The following DNAH14 variants were observed in gnomAD, a reference collection of about 807,000 sequenced individuals.
The protein encoded by DNAH14 is dynein axonemal heavy chain 14, also known as axonemal beta dynein heavy chain 14.
Under a neutral mutation model 520.9 loss-of-function variants are expected in DNAH14, and 478 were observed. The ratio of observed to expected loss-of-function variants is 0.92; its 90% confidence interval spans 0.85 to 0.99. The LOEUF is 0.99. DNAH14 is among the 50% of genes least tolerant of loss of function. DNAH14 has a pLI of 0.00. For missense variants in DNAH14, 4,831 were observed against 5,234.5 expected (o/e 0.92, Z 2.38); for synonymous variants, 1,581 against 1,757.2 (o/e 0.90, Z 2.51).
At chr1:225,276,977 GGAAGGAAGGGAGGGAGGAAGGA>G (rs1558241392) in intron 53 of DNAH14, among the ~76,000 whole-genome samples, 14 of 57,582 alleles carry the variant, frequency 2.4e-4, no homozygotes, top group South Asian at 1.9e-3. Context: ...AAGGAAGGAA[GGAAGGAAGGGAGGGAGGAAGGA>G]AGGGAGGGAG....
intron 15 of DNAH14, among the ~76,000 whole-genome samples, chr1:225,049,255 G>A (rs2068268935): frequency 6.6e-6 from 1 of 151,424 alleles, no homozygotes; most frequent in Non-Finnish European, 1.5e-5. Context: ...TAGAGACGGG[G>A]TTTCACCATC....
At chr1:225,148,720 C>T (rs1454827729) in intron 31 of DNAH14, among the ~76,000 whole-genome samples, 2 of 151,872 alleles carry the variant, frequency 1.3e-5, no homozygotes, top group Non-Finnish European at 1.5e-5. Flanking sequence ...TTTTTGTATG[C>T]TTGTTGCCTG....
At chr1:225,024,154 TTTCTC>T (rs150167440) in intron 11 of DNAH14, 42,855 of 996,342 alleles carry the variant, frequency 0.043, 1,468 homozygotes, top group East Asian at 0.24. Flanking sequence ...GAAATTCAGA[TTTCTC>T]TGATAATTTA....
At chr1:225,205,928 C>T (rs553010314) in intron 39 of DNAH14, 43 bp from the exon 40 acceptor site, 257 of 1,428,166 alleles carry the variant, frequency 1.8e-4, no homozygotes, top group Non-Finnish European at 2.3e-4. Flanking sequence ...TGAAAGATGA[C>T]GGACATTAGT....
At chr1:225,105,565 T>C (rs1187674217) in intron 23 of DNAH14, among the ~76,000 whole-genome samples, 1 of 152,236 alleles carries the variant, frequency 6.6e-6, no homozygotes, top group Non-Finnish European at 1.5e-5. Flanking sequence ...TGAATCTGGG[T>C]GCTCCTGTAT....
chr1:225,338,804 C>A (rs1448490975), intron 68 of DNAH14, among the ~76,000 whole-genome samples: 1 of 152,126 alleles, frequency 6.6e-6, no homozygotes, highest in Non-Finnish European at 1.5e-5. Flanking sequence ...TAATAAGAGC[C>A]TTCTGGGTAA....
chr1:225,282,461 A>G (rs2093647549), intron 54 of DNAH14, among the ~76,000 whole-genome samples: 1 of 152,204 alleles, frequency 6.6e-6, no homozygotes, highest in South Asian at 2.1e-4. Context: ...ATTTTATCTT[A>G]GTTTAGGTTC....
intron 9 of DNAH14, among the ~76,000 whole-genome samples, chr1:225,006,118 G>T (rs1040370025): frequency 6.6e-6 from 1 of 152,084 alleles, no homozygotes; most frequent in Non-Finnish European, 1.5e-5. Flanking sequence ...AACATAAATT[G>T]TGAAGATTTC....
intron 11 of DNAH14, among the ~76,000 whole-genome samples, chr1:225,027,815 C>G (rs2066237900): frequency 6.6e-6 from 1 of 151,868 alleles, no homozygotes; most frequent in Admixed American, 6.6e-5. Flanking sequence ...ATATCACCAT[C>G]TATCTTTCTT....
At chr1:225,373,225 C>T (rs1240475602) in intron 77 of DNAH14, among the ~76,000 whole-genome samples, 5 of 149,622 alleles carry the variant, frequency 3.3e-5, no homozygotes, top group Non-Finnish European at 5.9e-5. Context: ...GAGGGCCGGG[C>T]GCGGTGGGTA....
chr1:225,345,889 A>G, intron 69 of DNAH14, 73 bp from the exon 70 acceptor site: 1 of 1,272,924 alleles, frequency 7.9e-7, no homozygotes, highest in Non-Finnish European at 1.1e-6. Context: ...TTACACAAAG[A>G]GTGCAGAGTG....
chr1:225,002,677 A>G, intron 8 of DNAH14, 106 bp from the exon 9 acceptor site: 2 of 1,092,262 alleles, frequency 1.8e-6, no homozygotes, highest in Non-Finnish European at 1.3e-6. Flanking sequence ...GTAGATGTAA[A>G]ACATTTCAAC....
At chr1:225,305,151 G>A (rs568645061) in intron 58 of DNAH14, 62 bp downstream of exon 58, 1 of 1,476,118 alleles carries the variant, frequency 6.8e-7, no homozygotes, top group African/African-American at 1.5e-5. Flanking sequence ...TGCGAAAAGA[G>A]ACACAAATGC....
chr1:225,049,773 C>CCTATGTATCTAT (rs1553408760), intron 15 of DNAH14, among the ~76,000 whole-genome samples: 5 of 143,020 alleles, frequency 3.5e-5, no homozygotes, highest in African/African-American at 1.3e-4. Flanking sequence ...TATCTATCTA[C>CCTATGTATCTAT]CTATCTATCT....
Position 225,273,113 on chromosome 1 carries a change from G to C in DNAH14, c.7998G>C (p.Glu2666Asp). 1 of 1,549,348 alleles carries C rather than the reference G, an allele frequency of 6.5e-7. No homozygotes were observed. The highest frequency in any genetic ancestry group is 8.7e-7 in the Non-Finnish European group (1 of 1,146,444). Reference protein sequence around the residue: ...LFYRLLSRELENCFQIQWTQE... With the variant: ...LFYRLLSRELDNCFQIQWTQE... ...ATCGGTTGCTTTCAAGGGAACTTGA[G>C]AACTGTTTTCAGGTAAATTTATATT... The change falls in exon 52 of 86, where the codon GAG (glutamate) becomes GAC (aspartate). Residue 2666 changes from glutamate to aspartate, a missense_variant. Coordinates refer to ENST00000682510, the MANE Select transcript of DNAH14 (RefSeq NM_001367479.1).
At chr1:225,074,143 G>T (rs1182795332) in intron 17 of DNAH14, among the ~76,000 whole-genome samples, 2 of 150,788 alleles carry the variant, frequency 1.3e-5, no homozygotes, top group Non-Finnish European at 3.0e-5. Context: ...GGGACTACAG[G>T]CGCCCGCCAC....
At chr1:225,159,770 T>A (rs2149141204) in intron 35 of DNAH14, among the ~76,000 whole-genome samples, 1 of 152,348 alleles carries the variant, frequency 6.6e-6, no homozygotes, top group East Asian at 1.9e-4. Flanking sequence ...AGGATAATAG[T>A]GTCTGTTCTT....
intron 11 of DNAH14, among the ~76,000 whole-genome samples, chr1:225,035,603 T>C (rs568432009): frequency 4.1e-4 from 63 of 152,288 alleles, no homozygotes; most frequent in Non-Finnish European, 7.8e-4. Flanking sequence ...TGTTGGTTGA[T>C]TTCCATGTGT....
intron 8 of DNAH14, among the ~76,000 whole-genome samples, chr1:224,984,319 T>C (rs879711682): frequency 6.6e-6 from 1 of 152,176 alleles, no homozygotes; most frequent in Non-Finnish European, 1.5e-5. Context: ...CAAATGGTGC[T>C]GGGATAATTG....
Sources: allele counts gnomAD v4.1 joint callset (sites outside exome capture counted in the v4.1 genomes callset), GRCh38; gene constraint gnomAD v4.1.1; transcripts MANE v1.5; gene names NCBI Gene and HGNC (gene_info 2026-07-23, HGNC 2026-07-21).